FRMD4A: variants seen among roughly 807,000 people sequenced by gnomAD.
FRMD4A encodes FERM domain containing 4A.
In FRMD4A, 29 loss-of-function variants were observed where a neutral mutation model predicts 129.1. That is an observed-to-expected ratio of 0.22 (90% confidence interval 0.17 to 0.31). The LOEUF (loss-of-function observed/expected upper bound fraction) is 0.31, where lower values mean the gene tolerates loss of function less well. Among genes scored for constraint, FRMD4A ranks in the 10% least tolerant of loss-of-function variants. The pLI, the probability that FRMD4A is intolerant of heterozygous loss-of-function variation, is 1.00. For synonymous variants in FRMD4A, 634 were observed against 571.6 expected (o/e 1.11, Z -1.56); for missense variants, 1,272 against 1,375.8 (o/e 0.92, Z 1.19).
Position 13,945,101 on chromosome 10 carries a change from G to A in FRMD4A, c.46-86189C>T, listed in dbSNP as rs544822290. The stretch of plus-strand genomic sequence containing the variant: ...AGAAATAGACCCAGGCCTGGTGGGA[G>A]GTTGGAAGGCACTAAGCCAGCCGGA... On this transcript the variant is annotated intron_variant, in intron 2 of 24. Transcript: ENST00000357447. Among the ~76,000 whole-genome samples the A allele has an allele frequency of 2.0e-5, 3 of 152,326 alleles. No homozygotes were observed. In the East Asian group the frequency reaches 5.8e-4, roughly 29 times the overall value.
chr10:14,214,569 A>C lies in FRMD4A; in HGVS notation c.45+115489T>G, dbSNP rs190412844. On this transcript the variant is annotated intron_variant, in intron 2 of 24. Coordinates refer to ENST00000357447, the MANE Select transcript of FRMD4A (RefSeq NM_018027.5). Reference sequence around the variant, plus strand: ...CTTAATATACATTATCTTGTACAGCATTTTTATTTCCATAGATCTCTATTT... The same window carrying C: ...CTTAATATACATTATCTTGTACAGCCTTTTTATTTCCATAGATCTCTATTT... 1.2e-4 allele frequency among the ~76,000 whole-genome samples: 18 copies of C among 152,324 alleles called. No homozygotes were observed. The East Asian group carries it at 2.7e-3, about 23-fold the overall frequency.
chr10:13,750,879 A>T (rs115288625), intron 8 of FRMD4A, among the ~76,000 whole-genome samples: 9 of 152,308 alleles, frequency 5.9e-5, no homozygotes, highest in African/African-American at 2.2e-4. Context: ...CATGCTATAA[A>T]GGCATAGTTT....
chr10:14,292,099 G>A (rs552204592), intron 2 of FRMD4A, among the ~76,000 whole-genome samples: 2 of 152,290 alleles, frequency 1.3e-5, no homozygotes, highest in African/African-American at 4.8e-5. Context: ...GATTTGAAGT[G>A]TTAATTTCCC....
intron 2 of FRMD4A, among the ~76,000 whole-genome samples, chr10:14,325,256 T>C (rs761202586): frequency 2.0e-5 from 3 of 152,248 alleles, no homozygotes; most frequent in Non-Finnish European, 4.4e-5. Context: ...GGATCTAATC[T>C]GAATCTATCA....
chr10:14,174,450 G>A (rs979050035), intron 2 of FRMD4A, among the ~76,000 whole-genome samples: 1 of 152,230 alleles, frequency 6.6e-6, no homozygotes, highest in African/African-American at 2.4e-5. Context: ...GGCAGGAGGC[G>A]AGGGGGGCTG....
In FRMD4A at chr10:13,903,800, G is replaced by A. The variant is rs141818704; in HGVS notation, c.46-44888C>T. Among the ~76,000 whole-genome samples the A allele has an allele frequency of 2.1e-3, 323 of 152,148 alleles. 2 individuals carry two copies. Among genetic ancestry groups the A allele is most frequent in the African/African-American group, 7.1e-3 (293 of 41,504 alleles). On this transcript the variant is annotated intron_variant, in intron 2 of 24. Coordinates refer to ENST00000357447, the MANE Select transcript of FRMD4A (RefSeq NM_018027.5). ...CTAGAGGCAGAAGTGGGAAGATGGT[G>A]TGAACCCAGGTGTTGGAGGCTGCAG...
chr10:13,807,413 G>A (rs568891650), intron 4 of FRMD4A, among the ~76,000 whole-genome samples: 1 of 152,310 alleles, frequency 6.6e-6, no homozygotes, highest in Non-Finnish European at 1.5e-5. Flanking sequence ...TCGTTTGCAA[G>A]ATGTTGACAT....
At chr10:13,999,292 G>T (rs993440793) in intron 2 of FRMD4A, among the ~76,000 whole-genome samples, 2 of 152,262 alleles carry the variant, frequency 1.3e-5, no homozygotes, top group East Asian at 1.9e-4. Flanking sequence ...TCACGAAAGC[G>T]CAGACTTAGC....
chr10:13,951,388 T>C (rs1020448166), intron 2 of FRMD4A, among the ~76,000 whole-genome samples: 3 of 151,870 alleles, frequency 2.0e-5, no homozygotes, highest in Non-Finnish European at 2.9e-5. Context: ...CTAAGATTGA[T>C]GGGAAGATCT....
chr10:13,767,390 C>T (rs1309914915), intron 6 of FRMD4A, among the ~76,000 whole-genome samples: 1 of 152,146 alleles, frequency 6.6e-6, no homozygotes, highest in African/African-American at 2.4e-5. Flanking sequence ...AGGTGTGCGT[C>T]ACCATGCCTG....
intron 2 of FRMD4A, among the ~76,000 whole-genome samples, chr10:13,996,078 G>C (rs1023128421): frequency 6.6e-6 from 1 of 152,088 alleles, no homozygotes; most frequent in African/African-American, 2.4e-5. Flanking sequence ...CTCACTTTCT[G>C]GCTTACAAGC....
At chr10:14,189,443 G>T (rs1031785959) in intron 2 of FRMD4A, among the ~76,000 whole-genome samples, 2 of 152,016 alleles carry the variant, frequency 1.3e-5, no homozygotes, top group Non-Finnish European at 2.9e-5. Flanking sequence ...GTGTGGTGGC[G>T]GGCACCTGTA....
At chr10:13,929,804 C>A (rs1458436866) in intron 2 of FRMD4A, among the ~76,000 whole-genome samples, 1 of 152,128 alleles carries the variant, frequency 6.6e-6, no homozygotes, top group African/African-American at 2.4e-5. Flanking sequence ...GAGTTTGAAT[C>A]TTAGCTGTGC....
chr10:14,192,916 T>C (rs1468490955), intron 2 of FRMD4A, among the ~76,000 whole-genome samples: 1 of 152,258 alleles, frequency 6.6e-6, no homozygotes, highest in Non-Finnish European at 1.5e-5. Context: ...CACTGCTGTG[T>C]ACATAGCAAT....
rs201823447 is a variant in FRMD4A at position 14,056,402 on chromosome 10, GA to G, written c.46-197491del. Among the ~76,000 whole-genome samples, 290 of 148,178 alleles carry G rather than the reference GA, an allele frequency of 2.0e-3. 1 individual carries two copies. The highest frequency in any genetic ancestry group is 6.9e-3 in the African/African-American group (279 of 40,164). On this transcript the variant is annotated intron_variant, in intron 2 of 24. Coordinates refer to ENST00000357447, the MANE Select transcript of FRMD4A (RefSeq NM_018027.5). ...CACCTCTCCCCAACCCCCCGTGATTGAAAAAAAAATTTAAAGTTTTTTCCCC... is the reference window on the plus strand; with the variant it reads ...CACCTCTCCCCAACCCCCCGTGATTGAAAAAAAATTTAAAGTTTTTTCCCC...
intron 2 of FRMD4A, among the ~76,000 whole-genome samples, chr10:13,985,184 G>C (rs1206625089): frequency 6.6e-6 from 1 of 152,244 alleles, no homozygotes; most frequent in Non-Finnish European, 1.5e-5. Flanking sequence ...GCTGGAGTGG[G>C]AGCTTAGCTC....
intron 2 of FRMD4A, among the ~76,000 whole-genome samples, chr10:14,195,028 A>AT (rs1377460043): frequency 1.3e-5 from 2 of 152,072 alleles, no homozygotes; most frequent in African/African-American, 4.8e-5. Context: ...GTTTCCTTAC[A>AT]TTTTTCTTTC....
chr10:14,149,071 A>C (rs1323786652), intron 2 of FRMD4A, among the ~76,000 whole-genome samples: 2 of 152,286 alleles, frequency 1.3e-5, no homozygotes, highest in African/African-American at 4.8e-5. Flanking sequence ...AGGAACCCAT[A>C]AACATCATGA....
intron 3 of FRMD4A, among the ~76,000 whole-genome samples, chr10:13,814,619 A>G (rs2093508364): frequency 6.9e-6 from 1 of 145,296 alleles, no homozygotes; most frequent in African/African-American, 2.5e-5. Context: ...AAAGAAAGGG[A>G]AAGAGAGAGA....
Sources: allele counts gnomAD v4.1 joint callset (sites outside exome capture counted in the v4.1 genomes callset), GRCh38; gene constraint gnomAD v4.1.1; transcripts MANE v1.5; gene names NCBI Gene and HGNC (gene_info 2026-07-23, HGNC 2026-07-21).